The following COL22A1 variants were observed in gnomAD, a reference collection of about 807,000 sequenced individuals.
The protein encoded by COL22A1 is collagen type XXII alpha 1 chain, also known as collagen alpha-1(XXII) chain.
Under a neutral mutation model 248.9 loss-of-function variants are expected in COL22A1, and 221 were observed. That is an observed-to-expected ratio of 0.89 (90% CI 0.80 to 0.99). COL22A1 has a LOEUF of 0.99. Among genes scored for constraint, COL22A1 ranks in the 50% least tolerant of loss-of-function variants. The probability of loss-of-function intolerance (pLI) is 0.00; values close to 1 mark genes in which losing one functional copy is unlikely to be tolerated. For synonymous variants in COL22A1, 891 were observed against 793.4 expected (o/e 1.12, Z -2.07); for missense variants, 2,240 against 2,179.0 (o/e 1.03, Z -0.56).
chr8:138,871,901 T>A (rs1312776202), intron 3 of COL22A1, among the ~76,000 whole-genome samples: 1 of 152,222 alleles, frequency 6.6e-6, no homozygotes, highest in Admixed American at 6.5e-5. Context: ...TTAAGTGTTC[T>A]GCCTGCTAAC....
chr8:138,741,765 A>G (rs2131281962), intron 22 of COL22A1, among the ~76,000 whole-genome samples: 1 of 152,364 alleles, frequency 6.6e-6, no homozygotes, highest in Admixed American at 6.5e-5. Flanking sequence ...AAATTGGATG[A>G]CGCCCACAAA....
At chr8:138,623,820 A>G (rs749435356) in intron 51 of COL22A1, 35 bp from the exon 52 acceptor site, 1 of 1,587,356 alleles carries the variant, frequency 6.3e-7, no homozygotes, top group Non-Finnish European at 8.6e-7. Flanking sequence ...ATCAGGTCAA[A>G]GAAGATTCGA....
intron 60 of COL22A1, among the ~76,000 whole-genome samples, chr8:138,600,868 G>A (rs1036735737): frequency 2.6e-5 from 4 of 152,144 alleles, no homozygotes; most frequent in African/African-American, 9.7e-5. Flanking sequence ...ACACCTGGAT[G>A]CTAAGGCCCT....
chr8:138,785,225 C>T (rs1040190158), intron 12 of COL22A1, among the ~76,000 whole-genome samples: 18 of 152,182 alleles, frequency 1.2e-4, no homozygotes, highest in African/African-American at 2.9e-4. Context: ...GCCTCAGAGG[C>T]GGAGAAGCTC....
At chr8:138,831,448 G>C (rs1820040113) in intron 5 of COL22A1, among the ~76,000 whole-genome samples, 1 of 152,174 alleles carries the variant, frequency 6.6e-6, no homozygotes, top group African/African-American at 2.4e-5. Context: ...TTGCACAATT[G>C]ATCAGCTAAC....
intron 30 of COL22A1, 119 bp downstream of exon 30, chr8:138,715,563 T>C (rs953560596): frequency 2.0e-5 from 12 of 586,732 alleles, no homozygotes; most frequent in Non-Finnish European, 2.9e-5. Context: ...AGAGAGACTC[T>C]CATTTTAAAA....
intron 12 of COL22A1, among the ~76,000 whole-genome samples, chr8:138,793,790 C>T (rs1327411920): frequency 6.6e-6 from 1 of 152,182 alleles, no homozygotes; most frequent in South Asian, 2.1e-4. Context: ...GAGCTCACCC[C>T]AGAGCCAATG....
chr8:138,826,810 G>C, intron 5 of COL22A1, 29 bp from the exon 6 acceptor site: 2 of 1,612,642 alleles, frequency 1.2e-6, no homozygotes, highest in Non-Finnish European at 1.7e-6. Context: ...AAAGACACCA[G>C]GCTTGGCGAT....
intron 32 of COL22A1, 111 bp from the exon 33 acceptor site, chr8:138,694,990 C>T (rs2130936222): frequency 1.1e-6 from 1 of 929,134 alleles, no homozygotes; most frequent in Non-Finnish European, 1.6e-6. Flanking sequence ...CTGTGTATCA[C>T]CTGATAGGTC....
At position 138,739,094 on chromosome 8, in the gene COL22A1, GGAT is replaced by G. The variant is rs1295086041; in HGVS notation, c.2086-1520_2086-1518del. ...TGCACTTTTCCCCTCAAAGCAGCCA[GGAT>G]GATATCATTAAAACATAAATCATGT... is the stretch of plus-strand genomic sequence containing the variant. On this transcript the variant is annotated intron_variant, in intron 22 of 64. Transcript: ENST00000303045. Among the ~76,000 whole-genome samples the G allele has an allele frequency of 3.9e-5, 6 of 152,292 alleles. No homozygotes were observed. In the East Asian group the frequency reaches 1.2e-3, roughly 29 times the overall value.
intron 24 of COL22A1, 61 bp downstream of exon 24, chr8:138,725,326 G>A: frequency 2.6e-6 from 4 of 1,528,320 alleles, no homozygotes; most frequent in Non-Finnish European, 2.7e-6. Flanking sequence ...ATGTCCCCAG[G>A]TCCCACAGGC....
chr8:138,650,564 C>T (rs1320332621), intron 45 of COL22A1, among the ~76,000 whole-genome samples: 1 of 152,212 alleles, frequency 6.6e-6, no homozygotes, highest in Admixed American at 6.5e-5. Flanking sequence ...TTGCCCCCTC[C>T]ATGGCCTTCT....
intron 1 of COL22A1, among the ~76,000 whole-genome samples, chr8:138,889,464 C>A: frequency 6.6e-6 from 1 of 151,736 alleles, no homozygotes; most frequent in South Asian, 2.1e-4. Flanking sequence ...ATCGCAAGGA[C>A]AAAAAACCAA....
At chr8:138,904,349 C>T (rs961704141) in intron 1 of COL22A1, among the ~76,000 whole-genome samples, 1 of 152,050 alleles carries the variant, frequency 6.6e-6, no homozygotes, top group Non-Finnish European at 1.5e-5. Context: ...CACACACACA[C>T]CCTTACCACC....
rs758270566 is a variant in COL22A1, at chr8:138,694,899, G to A, written c.2593-20C>T. ...TTCTCCCTGTTGGTGAGAAGCATAG[G>A]GTAGAGTGGACTTCAGGGAGAACTG... On this transcript the variant is annotated intron_variant, in intron 32 of 64. Coordinates refer to ENST00000303045, the MANE Select transcript of COL22A1 (RefSeq NM_152888.3). 2.5e-6 allele frequency: 4 copies of A among 1,612,964 alleles called. No individual in the cohort carries two copies. The highest frequency in any genetic ancestry group is 3.4e-6 in the Non-Finnish European group (4 of 1,179,400).
At chr8:138,721,397 T>C (rs1007837648) in intron 26 of COL22A1, among the ~76,000 whole-genome samples, 6 of 152,216 alleles carry the variant, frequency 3.9e-5, no homozygotes, top group African/African-American at 1.4e-4. Context: ...GGTTGTATAA[T>C]AATTCATTTA....
intron 37 of COL22A1, 55 bp downstream of exon 37, chr8:138,688,862 C>A (rs1826581058): frequency 1.3e-5 from 19 of 1,469,514 alleles, no homozygotes; most frequent in Non-Finnish European, 1.8e-5. Context: ...TCCTTCAGTG[C>A]CTGTAAGAAG....
intron 56 of COL22A1, among the ~76,000 whole-genome samples, chr8:138,611,880 G>A (rs2131884506): frequency 1.3e-5 from 2 of 152,348 alleles, no homozygotes; most frequent in African/African-American, 4.8e-5. Flanking sequence ...GTAGGGTGGA[G>A]AATACAGGAT....
rs778721884 is a variant in COL22A1, at chr8:138,844,138, G to T, written c.679C>A (p.Arg227Ser). Residue 227 changes from arginine (R) to serine (S), a missense_variant, in exon 4 of 65, where the codon CGT becomes AGT. Transcript: ENST00000303045. ...TGCTTAAAGCGATCTCCTTCTACAC[G>T]AACGCTAGGACAGAGCACATCTGAG... ...LCENVLCPSV[R>S]VEGDRFKHTN... is the part of the protein sequence containing the mutation. 5.0e-6 allele frequency: 8 copies of T among 1,614,096 alleles called. No homozygotes were observed. Among genetic ancestry groups the T allele is most frequent in the Admixed American group, 1.7e-5 (1 of 60,016 alleles).
Sources: gnomAD v4.1 joint callset for allele counts (sites outside exome capture counted in the v4.1 genomes callset) on GRCh38, gnomAD v4.1.1 for gene constraint, MANE v1.5 for transcripts, NCBI Gene and HGNC (gene_info 2026-07-23, HGNC 2026-07-21) for gene names.